Variants in DPYD observed in about 807,000 individuals in gnomAD.
DPYD encodes dihydropyrimidine dehydrogenase.
DPYD carries 109 observed loss-of-function variants against 116.2 expected under a neutral mutation model. The observed-to-expected ratio is 0.94, with a 90% CI of 0.80 to 1.10. The LOEUF is 1.10. Ranked by LOEUF, DPYD falls within the 50% of genes least tolerant of loss-of-function variation. The pLI, the probability that DPYD is intolerant of heterozygous loss-of-function variation, is 0.00. For synonymous variants in DPYD, 440 were observed against 432.0 expected, an observed-to-expected ratio of 1.02 and a Z score of -0.23; for missense variants, 1,302 against 1,254.5, an observed-to-expected ratio of 1.04 and a Z score of -0.57.
At chr1:97,344,824 A>T (rs1669763830) in intron 16 of DPYD, among the ~76,000 whole-genome samples, 1 of 151,924 alleles carries the variant, frequency 6.6e-6, no homozygotes, top group African/African-American at 2.4e-5. Flanking sequence ...CATGTACTAT[A>T]ATTTTTATAG....
chr1:97,303,712 A>G (rs1666991841), intron 18 of DPYD, among the ~76,000 whole-genome samples: 1 of 152,076 alleles, frequency 6.6e-6, no homozygotes, highest in South Asian at 2.1e-4. Context: ...GAAGAAACTT[A>G]ATATAGAACC....
chr1:97,905,082 A>G (rs1166565682), intron 1 of DPYD, among the ~76,000 whole-genome samples: 1 of 152,048 alleles, frequency 6.6e-6, no homozygotes, highest in Non-Finnish European at 1.5e-5. Flanking sequence ...AATTGATAAA[A>G]TAAAGAATTT....
chr1:97,409,909 C>A (rs2101662795), intron 14 of DPYD, among the ~76,000 whole-genome samples: 1 of 152,160 alleles, frequency 6.6e-6, no homozygotes, highest in African/African-American at 2.4e-5. Flanking sequence ...GAAACCCTAT[C>A]TCTACTAAAA....
At chr1:97,710,111 A>G (rs559579078) in intron 5 of DPYD, among the ~76,000 whole-genome samples, 13 of 151,954 alleles carry the variant, frequency 8.6e-5, no homozygotes, top group African/African-American at 2.6e-4. Flanking sequence ...ATGTTATTTC[A>G]TCAGTGTAGG....
intron 3 of DPYD, among the ~76,000 whole-genome samples, chr1:97,763,385 A>G (rs555242031): frequency 1.3e-5 from 2 of 152,108 alleles, no homozygotes; most frequent in South Asian, 4.1e-4. Flanking sequence ...TAATTGCACA[A>G]TACAAACTTC....
intron 7 of DPYD, among the ~76,000 whole-genome samples, chr1:97,683,900 T>C (rs1468917160): frequency 6.6e-6 from 1 of 152,078 alleles, no homozygotes; most frequent in Non-Finnish European, 1.5e-5. Flanking sequence ...AAAATAAAAA[T>C]AATAAAATAA....
intron 20 of DPYD, among the ~76,000 whole-genome samples, chr1:97,154,706 C>CAAAAAAA (rs35900828): frequency 8.1e-6 from 1 of 122,916 alleles, no homozygotes. Context: ...GACTCCATCT[C>CAAAAAAA]AAAAAAAAAA....
chr1:97,505,710 G>A (rs1250617876), intron 13 of DPYD, among the ~76,000 whole-genome samples: 3 of 151,612 alleles, frequency 2.0e-5, no homozygotes, highest in African/African-American at 7.3e-5. Flanking sequence ...ATATATAAAA[G>A]GACATTATAA....
chr1:97,632,298 G>A (rs1333177947), intron 8 of DPYD, among the ~76,000 whole-genome samples: 4 of 152,084 alleles, frequency 2.6e-5, no homozygotes, highest in South Asian at 2.1e-4. Context: ...GAACATTAGC[G>A]TTATCATAGC....
intron 8 of DPYD, among the ~76,000 whole-genome samples, chr1:97,633,502 CTAT>C (rs1202400650): frequency 1.3e-5 from 2 of 151,994 alleles, no homozygotes; most frequent in Admixed American, 1.3e-4. Context: ...AGCCTCTTCA[CTAT>C]TAATCAAACC....
chr1:97,812,027 T>C (rs1469308216), intron 3 of DPYD, among the ~76,000 whole-genome samples: 2 of 152,192 alleles, frequency 1.3e-5, no homozygotes, highest in Non-Finnish European at 2.9e-5. Context: ...AGTTATTATA[T>C]AGCTGTGACT....
chr1:97,580,937 C>A (rs530158118), intron 10 of DPYD, among the ~76,000 whole-genome samples: 4 of 152,144 alleles, frequency 2.6e-5, no homozygotes, highest in East Asian at 3.9e-4. Flanking sequence ...GTTTAACTCG[C>A]ATTTGGGGGA....
intron 18 of DPYD, among the ~76,000 whole-genome samples, chr1:97,253,555 T>A (rs1471264882): frequency 1.3e-5 from 2 of 152,178 alleles, no homozygotes; most frequent in African/African-American, 4.8e-5. Flanking sequence ...CGTTCCCTTG[T>A]GCCATTCTCA....
At chr1:97,432,263 T>G (rs1273630252) in intron 14 of DPYD, among the ~76,000 whole-genome samples, 6 of 152,052 alleles carry the variant, frequency 3.9e-5, no homozygotes, top group Non-Finnish European at 8.8e-5. Context: ...ATTTTTAGCT[T>G]TTTTAGAGCC....
intron 13 of DPYD, among the ~76,000 whole-genome samples, chr1:97,474,122 G>A (rs974177063): frequency 6.6e-6 from 1 of 151,886 alleles, no homozygotes; most frequent in African/African-American, 2.4e-5. Flanking sequence ...TTATTTCTGG[G>A]TGTATATCAA....
At position 97,098,539 on chromosome 1, in the gene DPYD, G is replaced by T. The variant is rs1486161567; in HGVS notation, c.2716C>A (p.Pro906Thr). The T allele has an allele frequency of 6.2e-7, 1 of 1,613,110 alleles. No homozygotes were observed. The highest frequency in any genetic ancestry group is 1.1e-5 in the South Asian group (1 of 91,062). The change falls in exon 21 of 23, where the codon CCA becomes ACA. Residue 906 changes from proline (P) to threonine (T), a missense_variant. Transcript: ENST00000370192. ...RLKEQNVAFS[P>T]LKRNCFIPKR... ...GGGATAAAACAGTTTCTCTTAAGTGGTGAAAAAGCTACATTTTGTTCTTTC... is the reference window on the plus strand; with the variant it reads ...GGGATAAAACAGTTTCTCTTAAGTGTTGAAAAAGCTACATTTTGTTCTTTC...
At chr1:97,803,789 T>G (rs528275908) in intron 3 of DPYD, among the ~76,000 whole-genome samples, 1 of 151,994 alleles carries the variant, frequency 6.6e-6, no homozygotes, top group Admixed American at 6.6e-5. Flanking sequence ...TTCATTATGC[T>G]TATATATTAC....
intron 10 of DPYD, among the ~76,000 whole-genome samples, chr1:97,580,096 G>A (rs1241552047): frequency 2.6e-5 from 4 of 152,298 alleles, no homozygotes; most frequent in South Asian, 2.1e-4. Flanking sequence ...AAAGCATGAT[G>A]TCAACTCACT....
chr1:97,848,425 C>T (rs1217186701), intron 2 of DPYD, among the ~76,000 whole-genome samples: 2 of 152,164 alleles, frequency 1.3e-5, no homozygotes, highest in Admixed American at 1.3e-4. Context: ...CTTTTAGTGA[C>T]TATTTTCCAA....
Sources: gnomAD v4.1 joint callset for allele counts (sites outside exome capture counted in the v4.1 genomes callset) on GRCh38, gnomAD v4.1.1 for gene constraint, MANE v1.5 for transcripts, NCBI Gene and HGNC (gene_info 2026-07-23, HGNC 2026-07-21) for gene names.